The following ORC3 variants were observed in gnomAD, a reference collection of about 807,000 sequenced individuals.
ORC3 encodes the protein homolog of latheo, Drosophila.
Under a neutral mutation model 100.7 loss-of-function variants are expected in ORC3, and 78 were observed. That is an observed-to-expected ratio of 0.77 (90% CI 0.65 to 0.94). The LOEUF is 0.94. Among genes scored for constraint, ORC3 ranks in the 40% least tolerant of loss-of-function variants. ORC3 has a pLI of 0.00. For synonymous variants in ORC3, 295 were observed against 289.3 expected (o/e 1.02, Z -0.20); for missense variants, 789 against 823.9 (o/e 0.96, Z 0.52).
intron 5 of ORC3, among the ~76,000 whole-genome samples, chr6:87,607,086 T>C (rs1778396536): frequency 1.3e-5 from 2 of 152,070 alleles, no homozygotes; most frequent in African/African-American, 4.8e-5. Context: ...TCCTAAAATT[T>C]ATAGTTTGCA....
intron 5 of ORC3, among the ~76,000 whole-genome samples, chr6:87,606,920 T>A (rs899826250): frequency 7.9e-5 from 12 of 152,232 alleles, no homozygotes; most frequent in African/African-American, 2.9e-4. Flanking sequence ...TGCTTTCATA[T>A]TCATAAACTG....
chr6:87,616,307 C>G lies in ORC3; in HGVS notation c.874-7C>G. 9.0e-7 allele frequency: 1 copy of G among 1,116,802 alleles called. No homozygotes were observed. The highest frequency in any genetic ancestry group is 1.2e-5 in the South Asian group (1 of 80,184). 69.2% of individuals were successfully genotyped at this position (1,116,802 alleles called of 1,614,324 possible). ...AGTGTGTCCCCCTCCCTTTTAATCT[C>G]TTTCAGCTACTTCTTACAACTCAGT... On this transcript the variant is annotated splice_region_variant and splice_polypyrimidine_tract_variant and intron_variant, in intron 8 of 19. Transcript: ENST00000392844.
intron 7 of ORC3, among the ~76,000 whole-genome samples, chr6:87,611,018 C>T (rs1250011232): frequency 6.6e-6 from 1 of 150,820 alleles, no homozygotes; most frequent in Non-Finnish European, 1.5e-5. Flanking sequence ...CTCACTGCAC[C>T]CTCCACCTCC....
rs150770863 is a variant in ORC3 at position 87,635,126 on chromosome 6, T to C, written c.1302+165T>C. Among the ~76,000 whole-genome samples, 1,129 of 152,326 alleles carry C rather than the reference T, an allele frequency of 7.4e-3. 7 individuals carry two copies. The highest frequency in any genetic ancestry group is 0.011 in the Non-Finnish European group (724 of 68,020). ...CTGTAAACATTACTGGTAATTGATA[T>C]TGTTTTTTTGTTCAGATGGCCACAG... On this transcript the variant is annotated intron_variant, in intron 12 of 19. Transcript: ENST00000392844.
At chr6:87,652,784 G>A (rs906642864) in intron 13 of ORC3, among the ~76,000 whole-genome samples, 1 of 152,152 alleles carries the variant, frequency 6.6e-6, no homozygotes, top group Admixed American at 6.5e-5. Flanking sequence ...TGTGAAATAA[G>A]CAAGTTATTA....
At chr6:87,645,080 A>G (rs1768650907) in intron 13 of ORC3, among the ~76,000 whole-genome samples, 1 of 152,036 alleles carries the variant, frequency 6.6e-6, no homozygotes, top group Non-Finnish European at 1.5e-5. Flanking sequence ...ATTATTAATT[A>G]TTGCATGGTT....
downstream of ORC3, among the ~76,000 whole-genome samples, chr6:87,670,907 A>T (rs1325696344): frequency 6.6e-6 from 1 of 152,196 alleles, no homozygotes; most frequent in Non-Finnish European, 1.5e-5. Context: ...TTGTGCAAAA[A>T]GTCAAAAGTG....
the ORC3 span, chr6:87,675,739 C>A: frequency 6.9e-7 from 1 of 1,445,548 alleles, no homozygotes; most frequent in South Asian, 1.2e-5. Context: ...CTGCCTATTT[C>A]CTCCATACAT....
chr6:87,595,094 A>G (rs1777336099), intron 2 of ORC3: 1 of 152,236 alleles, frequency 6.6e-6, no homozygotes, highest in South Asian at 2.1e-4. Context: ...AGAATACTGC[A>G]TGTTCTAACT....
At chr6:87,605,289 G>A (rs1340446698) in intron 4 of ORC3, among the ~76,000 whole-genome samples, 1 of 152,098 alleles carries the variant, frequency 6.6e-6, no homozygotes, top group African/African-American at 2.4e-5. Context: ...TACTGCACCT[G>A]GCCAGTTTTA....
chr6:87,638,779 G>A (rs927813765), intron 13 of ORC3, among the ~76,000 whole-genome samples: 2 of 151,974 alleles, frequency 1.3e-5, no homozygotes, highest in Admixed American at 6.6e-5. Context: ...CACTGATATG[G>A]GTATTACTTA....
Position 87,657,928 on chromosome 6 carries a change from T to C in ORC3, c.1601T>C (p.Leu534Ser), listed in dbSNP as rs1769849475. Residue 534 changes from leucine (L) to serine (S), a missense_variant, in exon 16 of 20, where the codon TTG (leucine) becomes TCG (serine). Physicochemically the swap from Leu to Ser is moderately radical, Grantham distance 145. Coordinates refer to ENST00000392844, the MANE Select transcript of ORC3 (RefSeq NM_012381.4). Reference protein sequence around the residue: ...TDLYHLQKSLLEMKELRRSKK... With the variant: ...TDLYHLQKSLSEMKELRRSKK... ...ATGTTCTTTTATCTATAGTCCTTAT[T>C]GGAAATGAAGGAGTTAAGAAGAAGT... The C allele has an allele frequency of 1.3e-6, 2 of 1,539,892 alleles. No homozygotes were observed. Among genetic ancestry groups the C allele is most frequent in the Non-Finnish European group, 1.8e-6 (2 of 1,112,606 alleles).
At chr6:87,642,611 A>G (rs1016783480) in intron 13 of ORC3, among the ~76,000 whole-genome samples, 1 of 151,966 alleles carries the variant, frequency 6.6e-6, no homozygotes, top group Non-Finnish European at 1.5e-5. Context: ...TGAAAAATAA[A>G]GAAATAAATG....
rs1423119372 is a variant in ORC3 at position 87,609,097 on chromosome 6, A to G, written c.581A>G (p.Lys194Arg). 6.3e-7 allele frequency: 1 copy of G among 1,599,858 alleles called. No individual in the cohort carries two copies. Among genetic ancestry groups the G allele is most frequent in the Admixed American group, 1.8e-5 (1 of 55,232 alleles). Residue 194 changes from lysine (K) to arginine (R), a missense_variant and splice_region_variant, in exon 7 of 20, where the codon AAG becomes AGG. By Grantham distance (26) the Lys-to-Arg change is conservative. Coordinates refer to ENST00000392844, the MANE Select transcript of ORC3 (RefSeq NM_012381.4). ...TTTCTTTCTGCAATGGCTTAAAAGA[A>G]GACGGACCCAAAAATGCTAAGCAAA... ...LSSWYMTVTQ[K>R]TDPKMLSKKR...
chr6:87,659,026 G>GA (rs1042142899), intron 16 of ORC3, among the ~76,000 whole-genome samples: 2 of 141,502 alleles, frequency 1.4e-5, no homozygotes, highest in Admixed American at 7.1e-5. Flanking sequence ...GTGGGGCGGG[G>GA]GGGGGAGAAC....
rs1562333651 is a variant in ORC3 at position 87,612,258 on chromosome 6, A to AT, written c.873+11dup. ...TACGGTACTCGATAAGGTAAAAAGA[A>AT]TAAGTTTTACCAGTGAAATAGGATG... On this transcript the variant is annotated intron_variant, in intron 8 of 19. Coordinates refer to ENST00000392844, the MANE Select transcript of ORC3 (RefSeq NM_012381.4). 6.3e-7 allele frequency: 1 copy of AT among 1,581,626 alleles called. No individual in the cohort carries two copies. Among genetic ancestry groups the AT allele is most frequent in the Non-Finnish European group, 8.6e-7 (1 of 1,166,090 alleles).
At chr6:87,612,010 T>C in intron 7 of ORC3, 79 bp from the exon 8 acceptor site, 1 of 1,315,574 alleles carries the variant, frequency 7.6e-7, no homozygotes, top group Non-Finnish European at 1.1e-6. Context: ...AAAATAAAGT[T>C]TGTCTTATGT....
rs1331234908 is a variant in ORC3, at chr6:87,651,531, G to A, written c.1383-1585G>A. 1.1e-5 allele frequency: 3 copies of A among 275,260 alleles called. No individual in the cohort carries two copies. The Admixed American group carries it at 1.2e-4, about 11-fold the overall frequency. The allele number at this position is 275,260 out of a possible 1,614,324, so 17.1% of individuals were successfully genotyped here. ...GAAATGTCTTGGCTTATTTTTCCTT[G>A]ACCAGTTAGCTGCCTTTCACAGATA... is the stretch of plus-strand genomic sequence containing the variant. On this transcript the variant is annotated intron_variant, in intron 13 of 19. Transcript: ENST00000392844.
intron 7 of ORC3, among the ~76,000 whole-genome samples, chr6:87,610,295 G>C (rs1051800634): frequency 6.6e-6 from 1 of 151,850 alleles, no homozygotes; most frequent in East Asian, 1.9e-4. Flanking sequence ...TGCCACCTCC[G>C]CCTCCCGGGT....
Sources: allele counts gnomAD v4.1 joint callset (sites outside exome capture counted in the v4.1 genomes callset), GRCh38; gene constraint gnomAD v4.1.1; transcripts MANE v1.5; gene names NCBI Gene and HGNC (gene_info 2026-07-23, HGNC 2026-07-21).